Variants in SRGAP1 observed in about 807,000 individuals in gnomAD.
SRGAP1 encodes SLIT-ROBO Rho GTPase activating protein 1.
Under a neutral mutation model 121.9 loss-of-function variants are expected in SRGAP1, and 43 were observed. The ratio of observed to expected loss-of-function variants is 0.35; its 90% CI spans 0.28 to 0.46. The LOEUF is 0.46. Ranked by LOEUF, SRGAP1 falls within the 20% of genes least tolerant of loss-of-function variation. SRGAP1 has a pLI of 1.00. For missense variants in SRGAP1, 1,102 were observed against 1,350.9 expected, an observed-to-expected ratio of 0.82 and a Z score of 2.89; for synonymous variants, 447 against 485.4, an observed-to-expected ratio of 0.92 and a Z score of 1.04.
chr12:63,951,533 C>T (rs923768406), intron 1 of SRGAP1, among the ~76,000 whole-genome samples: 10 of 152,196 alleles, frequency 6.6e-5, no homozygotes, highest in African/African-American at 2.4e-4. Flanking sequence ...CCAGCAGCCA[C>T]AGCAGCAAAA....
rs749291875 is a variant in SRGAP1 at position 63,990,079 on chromosome 12, T to C, written c.426+7T>C. The stretch of plus-strand genomic sequence containing the variant: ...TACCAGGATGTTTAAAAAGGTACAC[T>C]CCATAAATCCTGCCATAGTGTGCTT... On this transcript the variant is annotated splice_region_variant and intron_variant, in intron 3 of 21. Transcript: ENST00000355086. The C allele has an allele frequency of 6.3e-7, 1 of 1,591,510 alleles. No homozygotes were observed.
intron 4 of SRGAP1, among the ~76,000 whole-genome samples, chr12:64,041,217 A>G (rs2035013278): frequency 6.6e-6 from 1 of 152,252 alleles, no homozygotes; most frequent in African/African-American, 2.4e-5. Flanking sequence ...ACTATGTAGC[A>G]CTTAAAATTA....
At chr12:63,953,578 G>GT (rs890808876) in intron 1 of SRGAP1, among the ~76,000 whole-genome samples, 548 of 143,760 alleles carry the variant, frequency 3.8e-3, no homozygotes, top group Middle Eastern at 7.0e-3. Context: ...AATTTTTAAA[G>GT]TTTTTTTTTT....
chr12:64,129,891 C>T (rs2036756363), intron 21 of SRGAP1, among the ~76,000 whole-genome samples: 1 of 152,224 alleles, frequency 6.6e-6, no homozygotes, highest in Non-Finnish European at 1.5e-5. Flanking sequence ...CCTGTTTCCA[C>T]GTGGTCATAG....
At chr12:64,022,902 G>A (rs931090377) in intron 4 of SRGAP1, among the ~76,000 whole-genome samples, 6 of 152,070 alleles carry the variant, frequency 3.9e-5, no homozygotes, top group African/African-American at 1.4e-4. Context: ...GAGAGAGAGG[G>A]GCCATAAATA....
intron 4 of SRGAP1, among the ~76,000 whole-genome samples, chr12:64,029,057 G>C (rs2034716920): frequency 6.6e-6 from 1 of 152,142 alleles, no homozygotes; most frequent in Admixed American, 6.6e-5. Flanking sequence ...GGCAAAACTA[G>C]TATTTGAACC....
chr12:63,987,579 G>A (rs1262284099), intron 2 of SRGAP1, among the ~76,000 whole-genome samples: 4 of 152,018 alleles, frequency 2.6e-5, no homozygotes, highest in South Asian at 4.2e-4. Context: ...AAAATTAGCC[G>A]GGCATGGTGG....
chr12:63,976,282 A>C (rs975922301), intron 1 of SRGAP1, among the ~76,000 whole-genome samples: 5 of 152,108 alleles, frequency 3.3e-5, no homozygotes. Context: ...TAGACCTCCT[A>C]CCCATCCAGA....
At chr12:63,847,787 GGT>G (rs1898949500) in intron 1 of SRGAP1, among the ~76,000 whole-genome samples, 1 of 151,796 alleles carries the variant, frequency 6.6e-6, no homozygotes, top group South Asian at 2.1e-4. Context: ...GGACTCTATA[GGT>G]GACTTAGGTG....
chr12:63,994,326 T>C (rs929440944), intron 3 of SRGAP1, among the ~76,000 whole-genome samples: 2 of 152,230 alleles, frequency 1.3e-5, no homozygotes, highest in Non-Finnish European at 2.9e-5. Flanking sequence ...AGTATCATAA[T>C]GATGTGAAAA....
chr12:64,004,996 C>A (rs529544280), intron 3 of SRGAP1, among the ~76,000 whole-genome samples: 4 of 152,068 alleles, frequency 2.6e-5, no homozygotes, highest in Non-Finnish European at 5.9e-5. Context: ...ACTTGTGATA[C>A]CTTGGAATAT....
At chr12:64,088,212 A>G (rs1400183090) in intron 11 of SRGAP1, among the ~76,000 whole-genome samples, 2 of 152,160 alleles carry the variant, frequency 1.3e-5, no homozygotes, top group Non-Finnish European at 2.9e-5. Context: ...GACTTTTCCA[A>G]ACCTAACAAA....
chr12:64,077,575 G>A (rs562632009), intron 8 of SRGAP1, among the ~76,000 whole-genome samples: 20 of 151,410 alleles, frequency 1.3e-4, no homozygotes, highest in Admixed American at 1.1e-3. Context: ...GTGACAGAAG[G>A]AAAAAGCTAT....
chr12:63,976,303 G>T lies in SRGAP1; in HGVS notation c.68-7644G>T, dbSNP rs546193393. ...TCCTACCCATCCAGAATTCAATTTC[G>T]GCAATTGAGAAGTACTTGTTATAAC... On this transcript the variant is annotated intron_variant, in intron 1 of 21. Coordinates refer to ENST00000355086, the MANE Select transcript of SRGAP1 (RefSeq NM_020762.4). Among the ~76,000 whole-genome samples, 24 of 152,138 alleles carry T rather than the reference G, an allele frequency of 1.6e-4. No individual in the cohort carries two copies. In the South Asian group the frequency reaches 4.8e-3, roughly 30 times the overall value.
intron 4 of SRGAP1, among the ~76,000 whole-genome samples, chr12:64,035,575 A>G (rs1038344330): frequency 6.6e-6 from 1 of 152,216 alleles, no homozygotes; most frequent in African/African-American, 2.4e-5. Flanking sequence ...GTCACCATAC[A>G]TTGAAAAAGG....
intron 1 of SRGAP1, among the ~76,000 whole-genome samples, chr12:63,884,958 G>A (rs935541317): frequency 5.6e-4 from 85 of 151,984 alleles, no homozygotes; most frequent in Non-Finnish European, 1.1e-3. Flanking sequence ...CTGACCTCGT[G>A]ATCCGCCCGC....
chr12:64,140,536 C>G (rs946223739), intron 21 of SRGAP1, among the ~76,000 whole-genome samples: 2 of 152,076 alleles, frequency 1.3e-5, no homozygotes, highest in Non-Finnish European at 1.5e-5. Context: ...TGATTTGGCT[C>G]TCTGTTTGTC....
At chr12:63,946,806 G>A (rs996790547) in intron 1 of SRGAP1, among the ~76,000 whole-genome samples, 1 of 152,052 alleles carries the variant, frequency 6.6e-6, no homozygotes, top group Non-Finnish European at 1.5e-5. Flanking sequence ...GCCTCCCAAA[G>A]TTCTGGGATT....
At chr12:63,962,302 A>C (rs2032665439) in intron 1 of SRGAP1, among the ~76,000 whole-genome samples, 1 of 152,194 alleles carries the variant, frequency 6.6e-6, no homozygotes, top group South Asian at 2.1e-4. Context: ...GCTGCTATTT[A>C]AATTCTAGTT....
Sources: allele counts gnomAD v4.1 joint callset (sites outside exome capture counted in the v4.1 genomes callset), GRCh38; gene constraint gnomAD v4.1.1; transcripts MANE v1.5; gene names NCBI Gene and HGNC (gene_info 2026-07-23, HGNC 2026-07-21).